Variants in FAM20C observed in about 807,000 individuals in gnomAD.
FAM20C encodes the protein FAM20C golgi associated secretory pathway kinase.
A neutral mutation model predicts 51.5 loss-of-function variants in FAM20C; 40 were observed. That is an observed-to-expected ratio of 0.78 (90% CI 0.60 to 1.01). The LOEUF (loss-of-function observed/expected upper bound fraction) is 1.01. FAM20C is among the 50% of genes least tolerant of loss of function. The pLI is 0.00. For synonymous variants in FAM20C, 406 were observed against 380.6 expected (o/e 1.07, Z -0.78); for missense variants, 861 against 844.7 (o/e 1.02, Z -0.24).
At chr7:217,588 C>T (rs1279367680) in intron 3 of FAM20C, among the ~76,000 whole-genome samples, 3 of 152,122 alleles carry the variant, frequency 2.0e-5, no homozygotes, top group Admixed American at 1.3e-4. Context: ...TGGTGCAGGG[C>T]GGCCCTAGAG....
chr7:259,520 C>T, intron 9 of FAM20C, among the ~76,000 whole-genome samples: 1 of 132,482 alleles, frequency 7.5e-6, no homozygotes, highest in Non-Finnish European at 1.5e-5. Flanking sequence ...CTGTCTGTCT[C>T]TGTCTGTCTG....
intron 6 of FAM20C, 36 bp downstream of exon 6, chr7:256,065 C>T: frequency 6.6e-7 from 1 of 1,526,628 alleles, no homozygotes; most frequent in Non-Finnish European, 8.8e-7. Context: ...GTCCGGCCAC[C>T]CTACGGCAGA....
At chr7:222,769 T>C (rs889501743) in intron 3 of FAM20C, among the ~76,000 whole-genome samples, 1 of 152,094 alleles carries the variant, frequency 6.6e-6, no homozygotes, top group African/African-American at 2.4e-5. Context: ...CTCATGTGTA[T>C]GAGTAGGTGA....
chr7:213,593 C>T (rs777962039), intron 3 of FAM20C, among the ~76,000 whole-genome samples: 5 of 151,998 alleles, frequency 3.3e-5, no homozygotes, highest in East Asian at 1.9e-4. Flanking sequence ...GAGTTGTTTC[C>T]GCTTTTGACA....
rs1785710901 is a variant in FAM20C at position 193,748 on chromosome 7, G to T, written c.549G>T (p.Leu183=). The change falls in exon 1 of 10, where the codon CTG becomes CTT. Residue 183 remains leucine, a synonymous_variant. Transcript: ENST00000313766. ...CGCCGCTCACGGAGGAGGACGTCCT[G>T]TTCAATGTGAACAGCGACACCAGGC... is the stretch of plus-strand genomic sequence containing the variant. The part of the protein sequence containing the change: ...AVPPLTEEDV[L]FNVNSDTRLS... 1.3e-6 allele frequency: 2 copies of T among 1,549,312 alleles called. No homozygotes were observed. Among genetic ancestry groups the T allele is most frequent in the African/African-American group, 2.7e-5 (2 of 73,148 alleles).
rs144454034 is a variant in FAM20C, at chr7:213,762, C to T, written c.863+4786C>T. Among the ~76,000 whole-genome samples, 6 of 152,244 alleles carry T rather than the reference C, an allele frequency of 3.9e-5. No homozygotes were observed. In the East Asian group the frequency reaches 1.2e-3, roughly 29 times the overall value. Reference sequence around the variant, plus strand: ...CTGTCCGTTTTCTGCAGCGGCTGCACCATTGTGTAACCCTGCGAGCTCGTT... The same window carrying T: ...CTGTCCGTTTTCTGCAGCGGCTGCATCATTGTGTAACCCTGCGAGCTCGTT... On this transcript the variant is annotated intron_variant, in intron 3 of 9. Transcript: ENST00000313766.
intron 3 of FAM20C, among the ~76,000 whole-genome samples, chr7:217,805 G>A (rs536748117): frequency 1.3e-5 from 2 of 152,248 alleles, no homozygotes; most frequent in East Asian, 3.9e-4. Flanking sequence ...ACGAGGAGAG[G>A]ACTGAGAGGT....
chr7:193,445 G>C lies in FAM20C; in HGVS notation c.246G>C (p.Trp82Cys). ...AASSAAGDAG[W>C]PNKHTLRILQ... is the part of the protein sequence containing the mutation. ...CCTCCGCCGCCGGCGACGCGGGCTGGCCCAACAAGCACACGCTCCGCATCC... is the reference window on the plus strand; with the variant it reads ...CCTCCGCCGCCGGCGACGCGGGCTGCCCCAACAAGCACACGCTCCGCATCC... The change falls in exon 1 of 10, where the codon TGG (tryptophan) becomes TGC (cysteine). Residue 82 changes from tryptophan (W) to cysteine (C), a missense_variant. This residue lies in a region of FAM20C where 561 missense variants were observed against 499.8 expected (regional missense o/e 1.12). Coordinates refer to ENST00000313766, the MANE Select transcript of FAM20C (RefSeq NM_020223.4). The C allele has an allele frequency of 6.9e-7, 1 of 1,450,988 alleles. No homozygotes were observed. The highest frequency in any genetic ancestry group is 9.1e-7 in the Non-Finnish European group (1 of 1,093,506). The allele number at this position is 1,450,988 out of a possible 1,614,324, so 89.9% of individuals were successfully genotyped here. A position where few individuals can be genotyped will look rare whatever the true frequency, so the allele number is the denominator to read the frequency against.
At chr7:203,318 G>A (rs1786214539) in intron 2 of FAM20C, among the ~76,000 whole-genome samples, 1 of 152,238 alleles carries the variant, frequency 6.6e-6, no homozygotes, top group Non-Finnish European at 1.5e-5. Flanking sequence ...CACCAATGAG[G>A]TGAGCTTTCC....
intron 3 of FAM20C, among the ~76,000 whole-genome samples, chr7:237,059 A>G (rs1172431144): frequency 6.6e-6 from 1 of 152,212 alleles, no homozygotes; most frequent in African/African-American, 2.4e-5. Context: ...TGTGAGGCAG[A>G]TTGGCTTGGC....
intron 2 of FAM20C, among the ~76,000 whole-genome samples, chr7:204,583 G>C (rs908257476): frequency 6.6e-6 from 1 of 152,214 alleles, no homozygotes; most frequent in Non-Finnish European, 1.5e-5. Flanking sequence ...CGTGGCGCTT[G>C]AGTGGCCATC....
chr7:255,798 G>A (rs1788567628), intron 5 of FAM20C, 51 bp from the exon 6 acceptor site: 11 of 1,531,342 alleles, frequency 7.2e-6, no homozygotes, highest in Admixed American at 2.0e-5. Context: ...GACCACAGGT[G>A]AGGACGCAGC....
chr7:212,654 G>C (rs371391791), intron 3 of FAM20C, among the ~76,000 whole-genome samples: 4 of 152,078 alleles, frequency 2.6e-5, no homozygotes, highest in Admixed American at 2.6e-4. Flanking sequence ...ACAGCGTGTG[G>C]GGGGCGGGAT....
chr7:210,150 G>C (rs992529933), intron 3 of FAM20C, among the ~76,000 whole-genome samples: 5 of 152,250 alleles, frequency 3.3e-5, no homozygotes, highest in Admixed American at 6.5e-5. Context: ...CTGGGGCTGA[G>C]GGCTGCTACC....
chr7:200,609 G>C (rs2115049771), intron 2 of FAM20C, among the ~76,000 whole-genome samples: 1 of 152,348 alleles, frequency 6.6e-6, no homozygotes, highest in South Asian at 2.1e-4. Context: ...ATGCAGACAT[G>C]GTCCCCACTG....
intron 5 of FAM20C, among the ~76,000 whole-genome samples, chr7:253,300 G>A (rs749303689): frequency 1.4e-4 from 21 of 152,180 alleles, no homozygotes; most frequent in Admixed American, 5.2e-4. Context: ...GGTCAGCCCC[G>A]ACACAGTCAG....
At chr7:244,208 G>T (rs1788058299) in intron 3 of FAM20C, among the ~76,000 whole-genome samples, 1 of 152,072 alleles carries the variant, frequency 6.6e-6, no homozygotes, top group Non-Finnish European at 1.5e-5. Flanking sequence ...CAGACGTAAG[G>T]CTCGAAGTTT....
chr7:195,406 G>A, intron 1 of FAM20C, 148 bp from the exon 2 acceptor site: 1 of 636,306 alleles, frequency 1.6e-6, no homozygotes, highest in African/African-American at 1.9e-5. Context: ...AGACGTTGCA[G>A]GGCCCTCTTT....
intron 3 of FAM20C, among the ~76,000 whole-genome samples, chr7:240,402 AATGATGATGATGATG>A (rs1787903537): frequency 6.1e-5 from 1 of 16,394 alleles, no homozygotes; most frequent in African/African-American, 2.1e-4. Context: ...TAATAGTGAT[AATGATGATGATGATG>A]GTGACAGTGA....
Sources: gnomAD v4.1 joint callset for allele counts (sites outside exome capture counted in the v4.1 genomes callset) on GRCh38, gnomAD v4.1.1 for gene constraint, gnomAD v4.1.1 regional missense constraint, MANE v1.5 for transcripts, NCBI Gene and HGNC (gene_info 2026-07-23, HGNC 2026-07-21) for gene names.